Variants in CSTF2T observed in about 807,000 individuals in gnomAD.
CSTF2T encodes the protein CF-1 64 kDa subunit tau.
A neutral mutation model predicts 39.9 loss-of-function variants in CSTF2T; 18 were observed. The ratio of observed to expected loss-of-function variants is 0.45; its 90% CI spans 0.31 to 0.67. The LOEUF (loss-of-function observed/expected upper bound fraction) is 0.67, where lower values mean the gene tolerates loss of function less well. CSTF2T is among the 30% of genes least tolerant of loss of function. The probability of loss-of-function intolerance (pLI) is 0.06; values close to 1 mark genes in which losing one functional copy is unlikely to be tolerated. For synonymous variants in CSTF2T, 291 were observed against 276.4 expected (o/e 1.05, Z -0.52); for missense variants, 681 against 789.0 (o/e 0.86, Z 1.64).
In CSTF2T at chr10:51,698,144, C is replaced by A. The variant is rs774169015; in HGVS notation, c.1406G>T (p.Gly469Val). 5.0e-6 allele frequency: 8 copies of A among 1,614,026 alleles called. No individual in the cohort carries two copies. The African/African-American group carries it at 9.3e-5, about 19-fold the overall frequency. Residue 469 changes from glycine (G) to valine (V), a missense_variant, in exon 1 of 1, where the codon GGC becomes GTC. Physicochemically the swap from Gly to Val is moderately radical, Grantham distance 109. Transcript: ENST00000331173. ...EMRGPVPSSR[G>V]PMTGGIQGPG... ...ACCCTGAATTCCACCAGTCATAGGG[C>A]CTCTTGAACTGGGGACAGGGCCCCT...
Position 51,699,425 on chromosome 10 carries a change from A to G in CSTF2T, c.125T>C (p.Val42Ala). Reference sequence around the variant, plus strand: ...ATCGTATACCAGCCGGAAACTGACAACAGAACCAACCTCCGAGAAAATGTC... The same window carrying G: ...ATCGTATACCAGCCGGAAACTGACAGCAGAACCAACCTCCGAGAAAATGTC... The part of the protein sequence containing the change: ...LKDIFSEVGS[V>A]VSFRLVYDRE... Residue 42 changes from valine (V) to alanine (A), a missense_variant, in exon 1 of 1, where the codon GTT becomes GCT. Coordinates refer to ENST00000331173, the MANE Select transcript of CSTF2T (RefSeq NM_015235.3). 1 of 1,614,062 alleles carries G rather than the reference A, an allele frequency of 6.2e-7. No individual in the cohort carries two copies.
Position 51,698,226 on chromosome 10 carries a change from C to T in CSTF2T, c.1324G>A (p.Ala442Thr). The T allele has an allele frequency of 6.2e-7, 1 of 1,614,158 alleles. No homozygotes were observed. The highest frequency in any genetic ancestry group is 2.2e-5 in the East Asian group (1 of 44,866). ...GCTTCCATCCCTCTGGTTTCCATCG[C>T]ACAGGTCTCCATTCCTCTCCTCTCC... ...VMERRGMETC[A>T]METRGMEARG... Residue 442 changes from alanine (A) to threonine (T), a missense_variant, in exon 1 of 1, where the codon GCG (alanine) becomes ACG (threonine). By Grantham distance (58) the Ala-to-Thr change is moderately conservative. Coordinates refer to ENST00000331173, the MANE Select transcript of CSTF2T (RefSeq NM_015235.3).
In CSTF2T at chr10:51,697,414, C is replaced by A; in HGVS notation, c.*285G>T. 1 of 404,154 alleles carries A rather than the reference C, an allele frequency of 2.5e-6. No homozygotes were observed. Among genetic ancestry groups the A allele is most frequent in the Non-Finnish European group, 4.4e-6 (1 of 225,926 alleles). 25.0% of individuals were successfully genotyped at this position (404,154 alleles called of 1,614,324 possible). ...TGTAGTTAACATACTGTAGATGCTT[C>A]AATATTGCTGCTTATTCTTTGTAAT... On this transcript the variant is annotated 3_prime_UTR_variant, in exon 1 of 1. Transcript: ENST00000331173.
Position 51,696,205 on chromosome 10 carries a change from T to C in CSTF2T, c.*1494A>G, listed in dbSNP as rs1319375159. On this transcript the variant is annotated 3_prime_UTR_variant, in exon 1 of 1. Transcript: ENST00000331173. The stretch of plus-strand genomic sequence containing the variant: ...TGATTATTCCTGGTAAGATGATTAA[T>C]GATAGAAAAGTAGATTATGAAATAA... 6.6e-6 allele frequency: 1 copy of C among 152,158 alleles called. No homozygotes were observed. The highest frequency in any genetic ancestry group is 2.4e-5 in the African/African-American group (1 of 41,418). 9.4% of individuals were successfully genotyped at this position (152,158 alleles called of 1,614,324 possible). A position where few individuals can be genotyped will look rare whatever the true frequency, so the allele number is the denominator to read the frequency against.
In CSTF2T at chr10:51,698,943, CTGGGATCAGTGGTGTGACATGTATCT is replaced by C. The variant is rs1222966864; in HGVS notation, c.581_606del (p.Lys194ArgfsTer24). 1.9e-6 allele frequency: 3 copies of C among 1,614,088 alleles called. No individual in the cohort carries two copies. ...GAGACAGACACAGACTGAGATTTGC[CTGGGATCAGTGGTGTGACATGTATCT>C]TCCGATGCAGAATTTTCAGAGCAAT... On this transcript the variant is annotated frameshift_variant, in exon 1 of 1. Transcript: ENST00000331173. LOFTEE classifies it high-confidence loss of function.
rs1841349600 is a variant in CSTF2T at position 51,698,027 on chromosome 10, A to C, written c.1523T>G (p.Met508Arg). 6.2e-7 allele frequency: 1 copy of C among 1,613,840 alleles called. No individual in the cohort carries two copies. Among genetic ancestry groups the C allele is most frequent in the African/African-American group, 1.3e-5 (1 of 74,842 alleles). ...TGTTCCTTGTATGCCTGTACCCTGC[A>C]TACCAGCTCCAGGATTCCCCACCCC... ...ISGVGNPGAG[M>R]QGTGIQGTGM... Residue 508 changes from methionine to arginine, a missense_variant, in exon 1 of 1, where the codon ATG (methionine) becomes AGG (arginine). Met to Arg is a moderately conservative substitution (Grantham distance 91). Around this residue, in one of 4 missense-constraint regions of CSTF2T, gnomAD observed 282 missense variants for 289.2 expected, o/e 0.98. Coordinates refer to ENST00000331173, the MANE Select transcript of CSTF2T (RefSeq NM_015235.3).
chr10:51,699,209 G>A lies in CSTF2T; in HGVS notation c.341C>T (p.Pro114Leu), dbSNP rs139518067. 8.1e-6 allele frequency: 13 copies of A among 1,613,906 alleles called. No individual in the cohort carries two copies. In the Admixed American group the frequency reaches 2.0e-4, roughly 25 times the overall value. ...LGPAAPIIDS[P>L]YGDPIDPEDA... is the part of the protein sequence containing the mutation. ...TTCTGGATCGATGGGATCCCCATAGGGTGAGTCAATAATGGGCGCTGCAGG... is the reference window on the plus strand; with the variant it reads ...TTCTGGATCGATGGGATCCCCATAGAGTGAGTCAATAATGGGCGCTGCAGG... The change falls in exon 1 of 1, where the codon CCC (proline) becomes CTC (leucine). Residue 114 changes from proline (P) to leucine (L), a missense_variant. Pro to Leu is a moderately conservative substitution (Grantham distance 98). Transcript: ENST00000331173.
At position 51,698,156 on chromosome 10, in the gene CSTF2T, G is replaced by T. The variant is rs767044550; in HGVS notation, c.1394C>A (p.Pro465His). Reference sequence around the variant, plus strand: ...ACCAGTCATAGGGCCTCTTGAACTGGGGACAGGGCCCCTCATCTCCAATCC... The same window carrying T: ...ACCAGTCATAGGGCCTCTTGAACTGTGGACAGGGCCCCTCATCTCCAATCC... Reference protein sequence around the residue: ...ARGLEMRGPVPSSRGPMTGGI... With the variant: ...ARGLEMRGPVHSSRGPMTGGI... The change falls in exon 1 of 1, where the codon CCC becomes CAC. Residue 465 changes from proline to histidine, a missense_variant. Physicochemically the swap from Pro to His is moderately conservative, Grantham distance 77. This residue lies in a region of CSTF2T where 282 missense variants were observed against 289.2 expected (regional missense o/e 0.98). Transcript: ENST00000331173. 14 of 1,614,068 alleles carry T rather than the reference G, an allele frequency of 8.7e-6. No individual in the cohort carries two copies. The highest frequency in any genetic ancestry group is 1.2e-5 in the Non-Finnish European group (14 of 1,180,008).
Position 51,695,872 on chromosome 10 carries a change from TTTC to T in CSTF2T, c.*1824_*1826del, listed in dbSNP as rs1449625523. The T allele has an allele frequency of 6.6e-6, 1 of 152,206 alleles. No individual in the cohort carries two copies. The highest frequency in any genetic ancestry group is 1.5e-5 in the Non-Finnish European group (1 of 68,020). 9.4% of individuals were successfully genotyped at this position (152,206 alleles called of 1,614,324 possible). A position where few individuals can be genotyped will look rare whatever the true frequency, so the allele number is the denominator to read the frequency against. ...TTTCAGCTCTTTGTATTAAACATTT[TTTC>T]ATCTGTAACTAGATATTGGTTTTTC... On this transcript the variant is annotated 3_prime_UTR_variant, in exon 1 of 1. Coordinates refer to ENST00000331173, the MANE Select transcript of CSTF2T (RefSeq NM_015235.3).
chr10:51,698,223 T>A lies in CSTF2T; in HGVS notation c.1327A>T (p.Met443Leu). 6 of 1,614,124 alleles carry A rather than the reference T, an allele frequency of 3.7e-6. No homozygotes were observed. Among genetic ancestry groups the A allele is most frequent in the Non-Finnish European group, 5.1e-6 (6 of 1,180,022 alleles). The change falls in exon 1 of 1, where the codon ATG becomes TTG. Residue 443 changes from methionine to leucine, a missense_variant. Coordinates refer to ENST00000331173, the MANE Select transcript of CSTF2T (RefSeq NM_015235.3). ...MERRGMETCAMETRGMEARGM... is the reference protein window; with the variant it reads ...MERRGMETCALETRGMEARGM... Reference sequence around the variant, plus strand: ...CTTGCTTCCATCCCTCTGGTTTCCATCGCACAGGTCTCCATTCCTCTCCTC... The same window carrying A: ...CTTGCTTCCATCCCTCTGGTTTCCAACGCACAGGTCTCCATTCCTCTCCTC...
At position 51,697,657 on chromosome 10, in the gene CSTF2T, G is replaced by A. The variant is rs1776399217; in HGVS notation, c.*42C>T. On this transcript the variant is annotated 3_prime_UTR_variant, in exon 1 of 1. Transcript: ENST00000331173. ...TTTTGCACCCATTCTCCATGCTACA[G>A]AATAAAATTTGAGACTACAGCCAAA... 6.3e-7 allele frequency: 1 copy of A among 1,598,566 alleles called. No individual in the cohort carries two copies. Among genetic ancestry groups the A allele is most frequent in the African/African-American group, 1.3e-5 (1 of 74,514 alleles).
Position 51,697,316 on chromosome 10 carries a change from A to G in CSTF2T, c.*383T>C, listed in dbSNP as rs1188209623. 1 of 180,410 alleles carries G rather than the reference A, an allele frequency of 5.5e-6. No individual in the cohort carries two copies. Among genetic ancestry groups the G allele is most frequent in the Non-Finnish European group, 1.2e-5 (1 of 86,558 alleles). The allele number at this position is 180,410 out of a possible 1,614,324, so 11.2% of individuals were successfully genotyped here. A position where few individuals can be genotyped will look rare whatever the true frequency, so the allele number is the denominator to read the frequency against. On this transcript the variant is annotated 3_prime_UTR_variant, in exon 1 of 1. Coordinates refer to ENST00000331173, the MANE Select transcript of CSTF2T (RefSeq NM_015235.3). The stretch of plus-strand genomic sequence containing the variant: ...AAAAATCTTAAAACTATCTTAGTAC[A>G]TTAACGTTTTAACAGGTCAACTTTT...
chr10:51,698,616 C>A lies in CSTF2T; in HGVS notation c.934G>T (p.Ala312Ser), dbSNP rs1365111088. Residue 312 changes from alanine (A) to serine (S), a missense_variant, in exon 1 of 1, where the codon GCT (alanine) becomes TCT (serine). Coordinates refer to ENST00000331173, the MANE Select transcript of CSTF2T (RefSeq NM_015235.3). The part of the protein sequence containing the change: ...RGQVQMSDPR[A>S]PIPRGPVTPG... Reference sequence around the variant, plus strand: ...GTCACGGGTCCGCGAGGTATAGGAGCTCTAGGATCTGACATCTGCACTTGT... The same window carrying A: ...GTCACGGGTCCGCGAGGTATAGGAGATCTAGGATCTGACATCTGCACTTGT... 1.2e-6 allele frequency: 2 copies of A among 1,613,886 alleles called. No homozygotes were observed. The highest frequency in any genetic ancestry group is 1.1e-5 in the South Asian group (1 of 91,088).
Position 51,696,598 on chromosome 10 carries a change from T to G in CSTF2T, c.*1101A>C, listed in dbSNP as rs1841299256. 6.6e-6 allele frequency: 1 copy of G among 152,082 alleles called. No homozygotes were observed. Among genetic ancestry groups the G allele is most frequent in the Non-Finnish European group, 1.5e-5 (1 of 68,026 alleles). 9.4% of individuals were successfully genotyped at this position (152,082 alleles called of 1,614,324 possible). A position where few individuals can be genotyped will look rare whatever the true frequency, so the allele number is the denominator to read the frequency against. On this transcript the variant is annotated 3_prime_UTR_variant, in exon 1 of 1. Coordinates refer to ENST00000331173, the MANE Select transcript of CSTF2T (RefSeq NM_015235.3). The stretch of plus-strand genomic sequence containing the variant: ...TGGATGCTCGAGGCCTGGCAGAACC[T>G]TGCTGGTCTCTGTAGGGTGGGATAA...
chr10:51,697,724 A>G lies in CSTF2T; in HGVS notation c.1826T>C (p.Ile609Thr). 12 of 1,614,088 alleles carry G rather than the reference A, an allele frequency of 7.4e-6. No individual in the cohort carries two copies. Among genetic ancestry groups the G allele is most frequent in the Non-Finnish European group, 1.0e-5 (12 of 1,180,002 alleles). Residue 609 changes from isoleucine (I) to threonine (T), a missense_variant, in exon 1 of 1, where the codon ATC becomes ACC. Coordinates refer to ENST00000331173, the MANE Select transcript of CSTF2T (RefSeq NM_015235.3). ...TCAAGACGCTCCAGTGGATTTCTGG[A>G]TTTGTTCCTTTAAAATCAGGATACT... Reference protein sequence around the residue: ...RQSILILKEQIQKSTGAS With the variant: ...RQSILILKEQTQKSTGAS
rs1022157636 is a variant in CSTF2T at position 51,698,813 on chromosome 10, G to T, written c.737C>A (p.Pro246His). The change falls in exon 1 of 1, where the codon CCT becomes CAT. Residue 246 changes from proline (P) to histidine (H), a missense_variant. Physicochemically the swap from Pro to His is moderately conservative, Grantham distance 77. This residue lies in a region of CSTF2T where 329 missense variants were observed against 344.1 expected (regional missense o/e 0.96). Coordinates refer to ENST00000331173, the MANE Select transcript of CSTF2T (RefSeq NM_015235.3). ...CATCAGAGGAGGAATGTCCTTCACA[G>T]GTCTTCTAGCCAAATGCTGAGGCTG... ...APQPQHLARR[P>H]VKDIPPLMQT... 1.9e-6 allele frequency: 3 copies of T among 1,614,194 alleles called. No homozygotes were observed. Among genetic ancestry groups the T allele is most frequent in the Admixed American group, 1.7e-5 (1 of 60,032 alleles).
Position 51,697,764 on chromosome 10 carries a change from G to A in CSTF2T, c.1786C>T (p.Pro596Ser). Residue 596 changes from proline (P) to serine (S), a missense_variant, in exon 1 of 1, where the codon CCT (proline) becomes TCT (serine). Physicochemically the swap from Pro to Ser is moderately conservative, Grantham distance 74 (BLOSUM62 -1). Around this residue, in one of 4 missense-constraint regions of CSTF2T, gnomAD observed 282 missense variants for 289.2 expected, o/e 0.98. Transcript: ENST00000331173. ...LTADQIAMLP[P>S]EQRQSILILK... ...ATCAGGATACTCTGCCTTTGCTCAG[G>A]GGGCAGCATGGCAATCTGATCTGCA... 2.5e-6 allele frequency: 4 copies of A among 1,614,094 alleles called. No homozygotes were observed. The highest frequency in any genetic ancestry group is 3.4e-6 in the Non-Finnish European group (4 of 1,180,016).
chr10:51,696,012 TA>T lies in CSTF2T; in HGVS notation c.*1686del, dbSNP rs1181737683. Reference sequence around the variant, plus strand: ...TCAAGGCTTTATTTTCAAGAAAAAATAAAGTCGTAGTAGCACAATGTGATAA... The same window carrying T: ...TCAAGGCTTTATTTTCAAGAAAAAATAAGTCGTAGTAGCACAATGTGATAA... On this transcript the variant is annotated 3_prime_UTR_variant, in exon 1 of 1. Transcript: ENST00000331173. 6.6e-6 allele frequency: 1 copy of T among 152,132 alleles called. No homozygotes were observed. Among genetic ancestry groups the T allele is most frequent in the African/African-American group, 2.4e-5 (1 of 41,436 alleles). The allele number at this position is 152,132 out of a possible 1,614,324, so 9.4% of individuals were successfully genotyped here.
rs535953645 is a variant in CSTF2T at position 51,699,327 on chromosome 10, G to T, written c.223C>A (p.Arg75=). 3.1e-6 allele frequency: 5 copies of T among 1,614,080 alleles called. No homozygotes were observed. In the South Asian group the frequency reaches 4.4e-5, roughly 14 times the overall value. ...CTGAACTCCCGCCCATTGAGGTTCC[G>T]CATGGCACTAAGCGCGGTCTCCTGG... ...QDQETALSAM[R]NLNGREFSGR... Residue 75 remains arginine, a synonymous_variant, in exon 1 of 1, where the codon CGG becomes AGG. Coordinates refer to ENST00000331173, the MANE Select transcript of CSTF2T (RefSeq NM_015235.3).
Sources: allele counts gnomAD v4.1 joint callset, GRCh38; gene constraint gnomAD v4.1.1; regional missense constraint gnomAD v4.1.1; transcripts MANE v1.5; gene names NCBI Gene and HGNC (gene_info 2026-07-23, HGNC 2026-07-21).